CCDC146: variants seen among roughly 807,000 people sequenced by gnomAD.
CCDC146 encodes the protein coiled-coil domain containing 146.
Under a neutral mutation model 119.3 loss-of-function variants are expected in CCDC146, and 92 were observed. The observed-to-expected ratio is 0.77, with a 90% CI of 0.65 to 0.92. The LOEUF is 0.92. CCDC146 is among the 40% of genes least tolerant of loss of function. The pLI, the probability that CCDC146 is intolerant of heterozygous loss-of-function variation, is 0.00. For missense variants in CCDC146, 1,000 were observed against 1,103.0 expected (o/e 0.91, Z 1.32); for synonymous variants, 372 against 371.8 (o/e 1.00, Z -0.01).
chr7:77,138,955 G>A (rs906603864), intron 1 of CCDC146, among the ~76,000 whole-genome samples: 9 of 152,186 alleles, frequency 5.9e-5, no homozygotes, highest in Non-Finnish European at 7.4e-5. Context: ...GATAGGCAGC[G>A]TCTTACAAAA....
Position 77,256,374 on chromosome 7 carries a change from A to G in CCDC146, c.549A>G (p.Glu183=). 2 of 1,601,532 alleles carry G rather than the reference A, an allele frequency of 1.2e-6. No individual in the cohort carries two copies. The highest frequency in any genetic ancestry group is 1.7e-6 in the Non-Finnish European group (2 of 1,175,960). The change falls in exon 6 of 19, where the codon GAA becomes GAG. Residue 183 remains glutamate, a synonymous_variant. Transcript: ENST00000285871. ...TGAAAATATTGAGAGAAAGCACTGA[A>G]GAATTACGTAAAGAAATAATGCAGA... is the stretch of plus-strand genomic sequence containing the variant. ...KKMKILREST[E]ELRKEIMQKK... is the part of the protein sequence containing the mutation.
intron 3 of CCDC146, among the ~76,000 whole-genome samples, chr7:77,240,401 T>C (rs1011484748): frequency 6.6e-6 from 1 of 152,256 alleles, no homozygotes; most frequent in Non-Finnish European, 1.5e-5. Flanking sequence ...CATCTCTTGG[T>C]ATCCTTGGGG....
At chr7:77,210,012 C>T (rs1251505360) in intron 2 of CCDC146, among the ~76,000 whole-genome samples, 1 of 152,216 alleles carries the variant, frequency 6.6e-6, no homozygotes, top group African/African-American at 2.4e-5. Context: ...GTAAAATGCC[C>T]TTGGAGACAT....
intron 1 of CCDC146, among the ~76,000 whole-genome samples, chr7:77,138,754 A>G (rs1790894309): frequency 6.6e-6 from 1 of 152,240 alleles, no homozygotes; most frequent in South Asian, 2.1e-4. Flanking sequence ...ACAAATGGCA[A>G]ATAAGCACAT....
chr7:77,190,537 G>T (rs1791743370), intron 2 of CCDC146, among the ~76,000 whole-genome samples: 1 of 152,204 alleles, frequency 6.6e-6, no homozygotes, highest in Non-Finnish European at 1.5e-5. Flanking sequence ...CCCCAGGAAA[G>T]AAAGCAACAG....
intron 3 of CCDC146, among the ~76,000 whole-genome samples, chr7:77,238,644 C>T (rs1792784930): frequency 6.6e-6 from 1 of 152,114 alleles, no homozygotes; most frequent in Non-Finnish European, 1.5e-5. Flanking sequence ...GTCTCAATCT[C>T]CTGACCTTGT....
At chr7:77,237,807 G>T (rs964817151) in intron 3 of CCDC146, among the ~76,000 whole-genome samples, 1 of 152,162 alleles carries the variant, frequency 6.6e-6, no homozygotes, top group African/African-American at 2.4e-5. Context: ...AGAGGGCAGG[G>T]GAGTGAAGAA....
intron 17 of CCDC146, among the ~76,000 whole-genome samples, chr7:77,291,563 C>T (rs1332003255): frequency 6.6e-6 from 1 of 152,088 alleles, no homozygotes; most frequent in Non-Finnish European, 1.5e-5. Flanking sequence ...AAACAAATAG[C>T]CGGGTGTGAT....
chr7:77,235,456 G>C (rs1226619972), intron 2 of CCDC146, among the ~76,000 whole-genome samples: 2 of 152,150 alleles, frequency 1.3e-5, no homozygotes, highest in Non-Finnish European at 2.9e-5. Flanking sequence ...GAAAAAGAGA[G>C]ACTCATACAT....
chr7:77,224,455 G>C (rs1792466461), intron 2 of CCDC146, among the ~76,000 whole-genome samples: 1 of 152,122 alleles, frequency 6.6e-6, no homozygotes, highest in Non-Finnish European at 1.5e-5. Context: ...GATTGGATTG[G>C]GCTCACCTGG....
chr7:77,145,672 T>C (rs1447903292), intron 1 of CCDC146, among the ~76,000 whole-genome samples: 3 of 152,198 alleles, frequency 2.0e-5, no homozygotes, highest in Non-Finnish European at 4.4e-5. Context: ...CACTTCGTTA[T>C]GTACCCAGTA....
At chr7:77,277,859 T>G (rs1227040378) in intron 11 of CCDC146, among the ~76,000 whole-genome samples, 1 of 152,096 alleles carries the variant, frequency 6.6e-6, no homozygotes, top group Non-Finnish European at 1.5e-5. Context: ...TACCAGCAAA[T>G]CCTTCATTTT....
chr7:77,185,182 T>G (rs1791647185), intron 2 of CCDC146, among the ~76,000 whole-genome samples: 1 of 152,116 alleles, frequency 6.6e-6, no homozygotes, highest in Non-Finnish European at 1.5e-5. Flanking sequence ...GAAATGCTCC[T>G]AGGGAAGTGT....
intron 2 of CCDC146, among the ~76,000 whole-genome samples, chr7:77,232,910 G>T (rs879600409): frequency 6.6e-6 from 1 of 152,182 alleles, no homozygotes; most frequent in Non-Finnish European, 1.5e-5. Flanking sequence ...GAAACCTGAA[G>T]CTAGAGGGAT....
chr7:77,225,565 CA>C (rs961871389), intron 2 of CCDC146, among the ~76,000 whole-genome samples: 1 of 150,720 alleles, frequency 6.6e-6, no homozygotes, highest in Admixed American at 6.6e-5. Flanking sequence ...AAAAAAAAAA[CA>C]AAAACTAGCA....
At chr7:77,239,546 C>T (rs1028747982) in intron 3 of CCDC146, among the ~76,000 whole-genome samples, 1 of 152,154 alleles carries the variant, frequency 6.6e-6, no homozygotes, top group Admixed American at 6.5e-5. Flanking sequence ...CACAAGGTAA[C>T]TTCAGTTGAG....
intron 2 of CCDC146, among the ~76,000 whole-genome samples, chr7:77,186,648 A>AT (rs1195864626): frequency 6.6e-6 from 1 of 152,190 alleles, no homozygotes; most frequent in East Asian, 1.9e-4. Flanking sequence ...AACACAAAGG[A>AT]TAAATGCTTG....
chr7:77,277,282 T>C lies in CCDC146; in HGVS notation c.1441-1470T>C, dbSNP rs115823092. ...ACACCAGAGGTATACTTATTTGTTA[T>C]AAGAAACACTGATCCGTTTTATGAA... On this transcript the variant is annotated intron_variant, in intron 11 of 18. Coordinates refer to ENST00000285871, the MANE Select transcript of CCDC146 (RefSeq NM_020879.3). 7.1e-3 allele frequency among the ~76,000 whole-genome samples: 1,084 copies of C among 152,316 alleles called. 15 individuals carry two copies. The highest frequency in any genetic ancestry group is 0.025 in the African/African-American group (1,020 of 41,564).
chr7:77,287,500 C>T lies in CCDC146; in HGVS notation c.2338C>T (p.Gln780Ter), dbSNP rs778836892. The T allele has an allele frequency of 1.2e-6, 2 of 1,613,986 alleles. No homozygotes were observed. Among genetic ancestry groups the T allele is most frequent in the South Asian group, 2.2e-5 (2 of 91,086 alleles). Residue 780 changes from glutamine (Q) to a stop codon, truncating the protein, a stop_gained, in exon 17 of 19, where the codon CAG (glutamine) becomes TAG (stop). Transcript: ENST00000285871. LOFTEE classifies it high-confidence loss of function. Reference sequence around the variant, plus strand: ...GCTGGAGAAGGATTTCATCTATGAGCAGGTCTCCAGGCTCACAGACAGGCT... The same window carrying T: ...GCTGGAGAAGGATTTCATCTATGAGTAGGTCTCCAGGCTCACAGACAGGCT... The part of the protein sequence containing the change: ...KLLEKDFIYE[Q>*]VSRLTDRLCS...
Sources: allele counts gnomAD v4.1 joint callset (sites outside exome capture counted in the v4.1 genomes callset), GRCh38; gene constraint gnomAD v4.1.1; transcripts MANE v1.5; gene names NCBI Gene and HGNC (gene_info 2026-07-23, HGNC 2026-07-21).